Variants in CAMK2G observed in about 807,000 individuals in gnomAD.
The protein encoded by CAMK2G is calcium/calmodulin dependent protein kinase II gamma, also known as calcium/calmodulin-dependent protein kinase type II subunit gamma.
Under a neutral mutation model 88.7 loss-of-function variants are expected in CAMK2G, and 23 were observed. The ratio of observed to expected loss-of-function variants is 0.26; its 90% CI spans 0.19 to 0.37. The LOEUF (loss-of-function observed/expected upper bound fraction) is 0.37. Among genes scored for constraint, CAMK2G ranks in the 10% least tolerant of loss-of-function variants. The pLI is 1.00. For missense variants in CAMK2G, 476 were observed against 780.8 expected, an observed-to-expected ratio of 0.61 and a Z score of 4.65; for synonymous variants, 263 against 294.8, an observed-to-expected ratio of 0.89 and a Z score of 1.11.
At chr10:73,850,274 C>T (rs748392183) in intron 5 of CAMK2G, among the ~76,000 whole-genome samples, 5 of 152,210 alleles carry the variant, frequency 3.3e-5, no homozygotes, top group East Asian at 1.9e-4. Context: ...GGATTACAGG[C>T]GTGAGCCACT....
At chr10:73,864,065 C>T (rs1208382554) in intron 2 of CAMK2G, among the ~76,000 whole-genome samples, 4 of 152,200 alleles carry the variant, frequency 2.6e-5, no homozygotes, top group African/African-American at 9.7e-5. Context: ...TTTATCGTGG[C>T]TGGGCGCGGT....
At chr10:73,816,140 T>G (rs921949003) in intron 21 of CAMK2G, 1 of 981,386 alleles carries the variant, frequency 1.0e-6, no homozygotes, top group Non-Finnish European at 1.2e-6. Flanking sequence ...AAGGGGAGGG[T>G]CTCATAGAGC....
rs1010317817 is a variant in CAMK2G, at chr10:73,839,788, G to A, written c.947-187C>T. On this transcript the variant is annotated intron_variant, in intron 12 of 22. Transcript: ENST00000423381. This position sits in a 1 kb window ranked among gnomAD's most constrained non-coding sequence, Gnocchi z 4.2. Reference sequence around the variant, plus strand: ...GCCCTGCAGCAGTCTGGGGGCCTGGGAAGACCGGGCTGGGCCAGGGCATAG... The same window carrying A: ...GCCCTGCAGCAGTCTGGGGGCCTGGAAAGACCGGGCTGGGCCAGGGCATAG... 1.3e-5 allele frequency among the ~76,000 whole-genome samples: 2 copies of A among 152,306 alleles called. No homozygotes were observed. The highest frequency in any genetic ancestry group is 1.5e-5 in the Non-Finnish European group (1 of 67,996).
chr10:73,819,487 C>G (rs112449750), intron 19 of CAMK2G, 45 bp downstream of exon 19: 2 of 1,385,078 alleles, frequency 1.4e-6, no homozygotes, highest in Admixed American at 2.0e-5. Flanking sequence ...GGCTTCAGGA[C>G]GAGCCAGGGA....
Position 73,842,039 on chromosome 10 carries a change from G to A in CAMK2G, c.946+130C>T, listed in dbSNP as rs566184197. On this transcript the variant is annotated intron_variant, in intron 12 of 22. Transcript: ENST00000423381. The surrounding 1 kb of genome is among the most constrained non-coding windows in gnomAD (Gnocchi z 4.6). ...CAGCAGCAGCAGCCCCTCAAAACAGGATCCTCACTCGCCCTGGTCAAGGTG... is the reference window on the plus strand; with the variant it reads ...CAGCAGCAGCAGCCCCTCAAAACAGAATCCTCACTCGCCCTGGTCAAGGTG... The A allele has an allele frequency of 5.3e-6, 4 of 753,146 alleles. No individual in the cohort carries two copies. The East Asian group carries it at 9.8e-5, about 18-fold the overall frequency. 46.7% of individuals were successfully genotyped at this position (753,146 alleles called of 1,614,324 possible).
chr10:73,816,315 T>A (rs2085475633), intron 21 of CAMK2G: 25 of 991,808 alleles, frequency 2.5e-5, no homozygotes, highest in Non-Finnish European at 3.0e-5. Context: ...AACAGTGCCC[T>A]GGTTTGCACA....
At position 73,824,091 on chromosome 10, in the gene CAMK2G, GAGA is replaced by G. The variant is rs781395950; in HGVS notation, c.1156-10_1156-8del. The G allele has an allele frequency of 4.2e-5, 67 of 1,611,514 alleles. No individual in the cohort carries two copies. The highest frequency in any genetic ancestry group is 5.3e-5 in the Non-Finnish European group (62 of 1,177,792). On this transcript the variant is annotated splice_polypyrimidine_tract_variant and splice_region_variant and intron_variant, in intron 16 of 22. Transcript: ENST00000423381. ...CCACAGTGGTTTGTGGCTCCTGTGAGAGAAGATGAAGATTACCCTTCCGACTTG... is the reference window on the plus strand; with the variant it reads ...CCACAGTGGTTTGTGGCTCCTGTGAGAGATGAAGATTACCCTTCCGACTTG...
rs1413696485 is a variant in CAMK2G at position 73,842,849 on chromosome 10, G to A, written c.820-308C>T. ...AACAGGAGAGTACCCTGGGGGCTGT[G>A]ATCCTCATTCAGTCACTCCTTAGGC... On this transcript the variant is annotated intron_variant, in intron 10 of 22. Transcript: ENST00000423381. This position sits in a 1 kb window ranked among gnomAD's most constrained non-coding sequence, Gnocchi z 4.6. Among the ~76,000 whole-genome samples, 3 of 152,174 alleles carry A rather than the reference G, an allele frequency of 2.0e-5. No individual in the cohort carries two copies. The highest frequency in any genetic ancestry group is 4.8e-5 in the African/African-American group (2 of 41,436).
At chr10:73,846,159 A>G (rs1001645182) in intron 10 of CAMK2G, among the ~76,000 whole-genome samples, 7 of 152,200 alleles carry the variant, frequency 4.6e-5, no homozygotes, top group East Asian at 1.9e-4. Context: ...ATGATTCCCT[A>G]TGTTTTCAGA....
rs150907467 is a variant in CAMK2G at position 73,868,563 on chromosome 10, C to A, written c.160+4426G>T. ...CCATTTCTCTGTTTACAGAAATTGG[C>A]CTGTTTTATCCTCAGGAGGAAAGCA... On this transcript the variant is annotated intron_variant, in intron 2 of 22. Transcript: ENST00000423381. Among the ~76,000 whole-genome samples the A allele has an allele frequency of 6.3e-3, 960 of 152,314 alleles. 3 individuals are homozygous for A. Among genetic ancestry groups the A allele is most frequent in the Admixed American group, 9.1e-3 (140 of 15,304 alleles).
chr10:73,824,596 C>T (rs2090287700), intron 16 of CAMK2G, among the ~76,000 whole-genome samples: 1 of 152,246 alleles, frequency 6.6e-6, no homozygotes, highest in African/African-American at 2.4e-5. Flanking sequence ...TCTGCCTTCC[C>T]TAGTTCCTGG....
At chr10:73,847,385 TGAGCTTCATACC>T (rs774044882) in intron 9 of CAMK2G, 38 bp from the exon 10 acceptor site, 291 of 1,611,084 alleles carry the variant, frequency 1.8e-4, no homozygotes, top group Non-Finnish European at 2.4e-4. Context: ...GTGGTATTGG[TGAGCTTCATACC>T]CTGCAACACT....
At chr10:73,854,464 C>G (rs1309343227) in intron 3 of CAMK2G, among the ~76,000 whole-genome samples, 3 of 152,224 alleles carry the variant, frequency 2.0e-5, no homozygotes, top group Admixed American at 6.5e-5. Flanking sequence ...TGTCCCTCCC[C>G]TCACGTGAAC....
chr10:73,856,154 A>C (rs911398902), intron 3 of CAMK2G, among the ~76,000 whole-genome samples: 2 of 152,310 alleles, frequency 1.3e-5, no homozygotes, highest in African/African-American at 4.8e-5. Context: ...CATGGGCTCC[A>C]CGTGCATTAC....
chr10:73,857,481 T>G (rs1234292715), intron 3 of CAMK2G, among the ~76,000 whole-genome samples: 1 of 152,192 alleles, frequency 6.6e-6, no homozygotes, highest in Non-Finnish European at 1.5e-5. Context: ...CTCCAAGTAT[T>G]GACAGGCATG....
intron 3 of CAMK2G, among the ~76,000 whole-genome samples, chr10:73,857,514 G>C (rs1459402176): frequency 6.6e-6 from 1 of 152,180 alleles, no homozygotes; most frequent in Non-Finnish European, 1.5e-5. Flanking sequence ...ATGAGCATCA[G>C]CTGGAGACTC....
intron 3 of CAMK2G, among the ~76,000 whole-genome samples, chr10:73,854,760 C>T (rs1279673722): frequency 6.6e-6 from 1 of 152,200 alleles, no homozygotes; most frequent in African/African-American, 2.4e-5. Context: ...CCAGCCGGCA[C>T]AGTCCCGAGG....
At chr10:73,843,363 G>A (rs1198532068) in intron 10 of CAMK2G, among the ~76,000 whole-genome samples, 7 of 152,120 alleles carry the variant, frequency 4.6e-5, no homozygotes, top group East Asian at 3.9e-4. Flanking sequence ...ACTGTGCCCC[G>A]CCTTTTTTGG....
intron 2 of CAMK2G, among the ~76,000 whole-genome samples, chr10:73,869,090 T>C (rs1437374112): frequency 6.6e-6 from 1 of 152,230 alleles, no homozygotes; most frequent in Non-Finnish European, 1.5e-5. Context: ...CAAGAGCAAC[T>C]GTTGTTGCAG....
Sources: gnomAD v4.1 joint callset for allele counts (sites outside exome capture counted in the v4.1 genomes callset) on GRCh38, gnomAD v4.1.1 for gene constraint, Gnocchi (gnomAD v3.1) non-coding constraint, MANE v1.5 for transcripts, NCBI Gene and HGNC (gene_info 2026-07-23, HGNC 2026-07-21) for gene names.